Variants in HERC1 observed in about 807,000 individuals in gnomAD.
HERC1 encodes HECT and RLD domain containing E3 ubiquitin protein ligase family member 1.
Under a neutral mutation model 554.3 loss-of-function variants are expected in HERC1, and 160 were observed. The ratio of observed to expected loss-of-function variants is 0.29; its 90% confidence interval spans 0.25 to 0.33. The LOEUF (loss-of-function observed/expected upper bound fraction) is 0.33, where lower values mean the gene tolerates loss of function less well. Among genes scored for constraint, HERC1 ranks in the 10% least tolerant of loss-of-function variants. The pLI, the probability that HERC1 is intolerant of heterozygous loss-of-function variation, is 1.00. For synonymous variants in HERC1, 2,175 were observed against 2,131.7 expected (o/e 1.02, Z -0.56); for missense variants, 4,919 against 5,918.5 (o/e 0.83, Z 5.54).
intron 77 of HERC1, among the ~76,000 whole-genome samples, chr15:63,611,934 C>A (rs2067615029): frequency 6.6e-6 from 1 of 152,200 alleles, no homozygotes; most frequent in South Asian, 2.1e-4. Context: ...CCTGTAATCC[C>A]AGCACTTTGG....
intron 19 of HERC1, among the ~76,000 whole-genome samples, chr15:63,720,624 A>C (rs1384416757): frequency 6.6e-6 from 1 of 152,184 alleles, no homozygotes; most frequent in Non-Finnish European, 1.5e-5. Context: ...AAAAAAATTG[A>C]CAAGGACAAA....
rs1325988504 is a variant in HERC1, at chr15:63,622,860, A to G, written c.13643T>C (p.Ile4548Thr). ...ELETGIVDLL[I>T]PSPNATAEVG... is the part of the protein sequence containing the mutation. ...TTCTGCGGTGGCATTGGGAGAGGGT[A>G]TAAGAAGGTCAACAATACCAGTTTC... The change falls in exon 74 of 78, where the codon ATA becomes ACA. Residue 4548 changes from isoleucine to threonine, a missense_variant. This residue lies in a region of HERC1 where 284 missense variants were observed against 294.1 expected (regional missense o/e 0.97). Transcript: ENST00000443617. The G allele has an allele frequency of 4.4e-6, 7 of 1,606,556 alleles. No individual in the cohort carries two copies. Among genetic ancestry groups the G allele is most frequent in the South Asian group, 1.1e-5 (1 of 88,784 alleles).
At chr15:63,731,828 T>C (rs530143629) in intron 14 of HERC1, among the ~76,000 whole-genome samples, 2 of 152,328 alleles carry the variant, frequency 1.3e-5, no homozygotes, top group South Asian at 2.1e-4. Context: ...GCTATATGCA[T>C]CTCTGGCTAG....
chr15:63,667,765 C>T (rs77340786), intron 40 of HERC1, among the ~76,000 whole-genome samples: 4,506 of 152,124 alleles, frequency 0.03, 213 homozygotes, highest in African/African-American at 0.1. Flanking sequence ...AAATATAAAA[C>T]GAAGTACAGT....
chr15:63,780,350 A>G (rs567427154), intron 1 of HERC1: 1 of 152,348 alleles, frequency 6.6e-6, no homozygotes, highest in East Asian at 1.9e-4. Flanking sequence ...ATACAAAGAC[A>G]GAACAGGAAA....
In HERC1 at chr15:63,727,443, C is replaced by T. The variant is rs537174271; in HGVS notation, c.3346+204G>A. 1.3e-5 allele frequency among the ~76,000 whole-genome samples: 2 copies of T among 152,274 alleles called. No individual in the cohort carries two copies. Among genetic ancestry groups the T allele is most frequent in the East Asian group, 3.9e-4 (2 of 5,182 alleles). ...CAAGGTCATCTTTCCAACTCCAATGCTTTTCCTTTTATGCTCCAGCCCAGG... is the reference window on the plus strand; with the variant it reads ...CAAGGTCATCTTTCCAACTCCAATGTTTTTCCTTTTATGCTCCAGCCCAGG... On this transcript the variant is annotated intron_variant, in intron 17 of 77. Coordinates refer to ENST00000443617, the MANE Select transcript of HERC1 (RefSeq NM_003922.4). The surrounding 1 kb of genome is among the most constrained non-coding windows in gnomAD (Gnocchi z 4.3).
Position 63,725,518 on chromosome 15 carries a change from A to C in HERC1, c.3347-5T>G. On this transcript the variant is annotated splice_polypyrimidine_tract_variant and splice_region_variant and intron_variant, in intron 17 of 77. Coordinates refer to ENST00000443617, the MANE Select transcript of HERC1 (RefSeq NM_003922.4). Reference sequence around the variant, plus strand: ...GATCAATTAGTTCTGGCCCTCCTAAAGACAAAATCATTAGTTATTGTGTCT... The same window carrying C: ...GATCAATTAGTTCTGGCCCTCCTAACGACAAAATCATTAGTTATTGTGTCT... 1 of 1,610,816 alleles carries C rather than the reference A, an allele frequency of 6.2e-7. No homozygotes were observed. Among genetic ancestry groups the C allele is most frequent in the Non-Finnish European group, 8.5e-7 (1 of 1,177,298 alleles).
rs140703182 is a variant in HERC1 at position 63,738,215 on chromosome 15, A to G, written c.2521-3366T>C. On this transcript the variant is annotated intron_variant, in intron 12 of 77. Coordinates refer to ENST00000443617, the MANE Select transcript of HERC1 (RefSeq NM_003922.4). ...AAAAAAATGACAGAGATATTCAATA[A>G]AATAATTAAATAATACTCATGAAAT... 4.9e-4 allele frequency among the ~76,000 whole-genome samples: 74 copies of G among 152,346 alleles called. 1 individual carries two copies. The East Asian group carries it at 0.014, about 29-fold the overall frequency.
chr15:63,669,046 G>C (rs1005353105), intron 40 of HERC1, among the ~76,000 whole-genome samples: 30 of 152,148 alleles, frequency 2.0e-4, no homozygotes, highest in African/African-American at 7.0e-4. Context: ...TAAATTTAAA[G>C]TGATTCAAAT....
rs1343047774 is a variant in HERC1, at chr15:63,616,682, C to G, written c.13689G>C (p.Arg4563Ser). 2 of 1,611,738 alleles carry G rather than the reference C, an allele frequency of 1.2e-6. No individual in the cohort carries two copies. Among genetic ancestry groups the G allele is most frequent in the East Asian group, 2.2e-5 (1 of 44,884 alleles). ...ATAEVGYNRDRFLFNPSACLD... is the reference protein window; with the variant it reads ...ATAEVGYNRDSFLFNPSACLD... ...GGCAGGCAGAAGGGTTAAAAAGGAA[C>G]CTGTAAAATTAAAGGGAATATTTCA... Residue 4563 changes from arginine to serine, a missense_variant and splice_region_variant, in exon 75 of 78, where the codon AGG becomes AGC. Physicochemically the swap from Arg to Ser is moderately radical, Grantham distance 110. This residue lies in a region of HERC1 where 284 missense variants were observed against 294.1 expected (regional missense o/e 0.97). Transcript: ENST00000443617.
At chr15:63,800,888 A>C (rs538599722) in intron 1 of HERC1, among the ~76,000 whole-genome samples, 5 of 152,286 alleles carry the variant, frequency 3.3e-5, no homozygotes, top group Non-Finnish European at 7.4e-5. Flanking sequence ...AGAGAAACCA[A>C]CCAAGTGATA....
intron 1 of HERC1, among the ~76,000 whole-genome samples, chr15:63,817,095 C>G (rs2077517625): frequency 6.6e-6 from 1 of 152,054 alleles, no homozygotes; most frequent in Non-Finnish European, 1.5e-5. Flanking sequence ...GGCAAACAAC[C>G]TGCTTTCTTT....
chr15:63,641,968 A>G (rs2069086173), intron 59 of HERC1, among the ~76,000 whole-genome samples: 1 of 152,204 alleles, frequency 6.6e-6, no homozygotes, highest in Admixed American at 6.5e-5. Flanking sequence ...CATGTCTGAC[A>G]TGACTACAAG....
rs1450542775 is a variant in HERC1 at position 63,692,155 on chromosome 15, G to C, written c.5830+256C>G. 1.3e-5 allele frequency among the ~76,000 whole-genome samples: 2 copies of C among 152,158 alleles called. No individual in the cohort carries two copies. Among genetic ancestry groups the C allele is most frequent in the African/African-American group, 4.8e-5 (2 of 41,442 alleles). ...CAGGATGTTCTCTGCTTACTCTTAG[G>C]TTTGTAATCTGAACAAAGAGGATGA... On this transcript the variant is annotated intron_variant, in intron 31 of 77. Coordinates refer to ENST00000443617, the MANE Select transcript of HERC1 (RefSeq NM_003922.4). This position sits in a 1 kb window ranked among gnomAD's most constrained non-coding sequence, Gnocchi z 4.7.
intron 40 of HERC1, among the ~76,000 whole-genome samples, chr15:63,668,092 A>AAACTTATTT (rs780332079): frequency 3.3e-5 from 5 of 152,214 alleles, no homozygotes; most frequent in Non-Finnish European, 7.3e-5. Context: ...TGGAATAATA[A>AAACTTATTT]AACTTATTTA....
intron 69 of HERC1, among the ~76,000 whole-genome samples, chr15:63,629,167 C>T (rs975882108): frequency 6.6e-6 from 1 of 152,168 alleles, no homozygotes; most frequent in Non-Finnish European, 1.5e-5. Flanking sequence ...CCAGGCTGAT[C>T]TTGAACTCCT....
At chr15:63,637,475 T>C in intron 64 of HERC1, 30 bp downstream of exon 64, 1 of 1,553,566 alleles carries the variant, frequency 6.4e-7, no homozygotes, top group South Asian at 1.2e-5. Flanking sequence ...CCTTAGGTTC[T>C]AACCATCTTT....
At chr15:63,810,887 T>C (rs959575943) in intron 1 of HERC1, among the ~76,000 whole-genome samples, 4 of 152,178 alleles carry the variant, frequency 2.6e-5, no homozygotes, top group South Asian at 4.1e-4. Context: ...AAGGAGTACA[T>C]AACATCACCT....
In HERC1 at chr15:63,652,473, G is replaced by A. The variant is rs376315533; in HGVS notation, c.10359C>T (p.Arg3453=). 1.5e-5 allele frequency: 24 copies of A among 1,610,924 alleles called. No individual in the cohort carries two copies. The Admixed American group carries it at 1.8e-4, about 12-fold the overall frequency. The change falls in exon 52 of 78, where the codon CGC becomes CGT. Residue 3453 remains arginine, a synonymous_variant. Transcript: ENST00000443617. ...LATSGNDGTI[R]VWNVTKKQYS... Reference sequence around the variant, plus strand: ...ATTGCTTCTTGGTAACATTCCATACGCGGATGGTGCCATCATTGCCACTTG... The same window carrying A: ...ATTGCTTCTTGGTAACATTCCATACACGGATGGTGCCATCATTGCCACTTG...
Sources: allele counts gnomAD v4.1 joint callset (sites outside exome capture counted in the v4.1 genomes callset), GRCh38; gene constraint gnomAD v4.1.1; regional missense constraint gnomAD v4.1.1; non-coding constraint Gnocchi (gnomAD v3.1); transcripts MANE v1.5; gene names NCBI Gene and HGNC (gene_info 2026-07-23, HGNC 2026-07-21).